VWA8: variants seen among roughly 807,000 people sequenced by gnomAD.
VWA8 encodes the protein von Willebrand factor A domain containing 8, also known as von Willebrand factor A domain-containing protein 8.
A neutral mutation model predicts 241.5 loss-of-function variants in VWA8; 221 were observed. That is an observed-to-expected ratio of 0.91 (90% confidence interval 0.82 to 1.02). The LOEUF (loss-of-function observed/expected upper bound fraction) is 1.02, where lower values mean the gene tolerates loss of function less well. Ranked by LOEUF, VWA8 falls within the 50% of genes least tolerant of loss-of-function variation. The pLI, the probability that VWA8 is intolerant of heterozygous loss-of-function variation, is 0.00. For synonymous variants in VWA8, 852 were observed against 827.1 expected (o/e 1.03, Z -0.52); for missense variants, 2,322 against 2,328.7 (o/e 1.00, Z 0.06).
intron 2 of VWA8, among the ~76,000 whole-genome samples, chr13:41,935,629 T>C (rs1265872665): frequency 6.6e-6 from 1 of 152,056 alleles, no homozygotes; most frequent in African/African-American, 2.4e-5. Context: ...TAAATGGTCT[T>C]TTTCAAGCAC....
intron 14 of VWA8, among the ~76,000 whole-genome samples, chr13:41,830,111 C>T (rs375603680): frequency 2.6e-5 from 4 of 151,518 alleles, no homozygotes; most frequent in Non-Finnish European, 4.4e-5. Flanking sequence ...GGTGTAGTGG[C>T]GGGCGCCTGT....
intron 17 of VWA8, chr13:41,807,587 A>C (rs1406635287): frequency 6.6e-6 from 1 of 152,182 alleles, no homozygotes; most frequent in Admixed American, 6.5e-5. Context: ...GTAAAACAAA[A>C]ACCATGTGAT....
At chr13:41,732,598 T>C (rs1593728607) in intron 21 of VWA8, among the ~76,000 whole-genome samples, 1 of 151,998 alleles carries the variant, frequency 6.6e-6, no homozygotes, top group African/African-American at 2.4e-5. Flanking sequence ...AATCTAGTAA[T>C]TACACATTCA....
intron 37 of VWA8, among the ~76,000 whole-genome samples, chr13:41,653,276 G>A (rs984136717): frequency 6.6e-6 from 1 of 152,102 alleles, no homozygotes; most frequent in East Asian, 1.9e-4. Flanking sequence ...CCAAGCTGAA[G>A]GCCAAATCAA....
chr13:41,814,862 G>C (rs1237349158), intron 16 of VWA8, among the ~76,000 whole-genome samples: 6 of 151,906 alleles, frequency 3.9e-5, no homozygotes, highest in Non-Finnish European at 8.8e-5. Flanking sequence ...AGGGAACAAA[G>C]AAAAAACCCC....
At chr13:41,732,867 T>C (rs2045495676) in intron 21 of VWA8, among the ~76,000 whole-genome samples, 1 of 152,240 alleles carries the variant, frequency 6.6e-6, no homozygotes, top group African/African-American at 2.4e-5. Context: ...TGGATATTCT[T>C]GCCAAAATGT....
chr13:41,742,175 T>C (rs2045574172), intron 21 of VWA8, among the ~76,000 whole-genome samples: 1 of 152,138 alleles, frequency 6.6e-6, no homozygotes. Context: ...TCATGGAAAA[T>C]ATGAAACCAT....
chr13:41,741,912 G>C (rs1436213641), intron 21 of VWA8, among the ~76,000 whole-genome samples: 1 of 152,154 alleles, frequency 6.6e-6, no homozygotes, highest in East Asian at 1.9e-4. Flanking sequence ...CAGAAGAGAA[G>C]GCAATTAATC....
chr13:41,792,531 T>C (rs577290225), intron 17 of VWA8, among the ~76,000 whole-genome samples: 194 of 152,140 alleles, frequency 1.3e-3, no homozygotes, highest in Non-Finnish European at 2.2e-3. Flanking sequence ...AGAATTAATA[T>C]TGATATCTAA....
At chr13:41,795,577 A>C (rs1869654461) in intron 17 of VWA8, among the ~76,000 whole-genome samples, 1 of 152,258 alleles carries the variant, frequency 6.6e-6, no homozygotes. Flanking sequence ...CTGGACAAAC[A>C]AAATGTGGTA....
chr13:41,895,659 T>C (rs1340911550), intron 4 of VWA8, among the ~76,000 whole-genome samples: 1 of 151,984 alleles, frequency 6.6e-6, no homozygotes, highest in Non-Finnish European at 1.5e-5. Context: ...AAAAGAGAGG[T>C]AGTTAACAGA....
chr13:41,640,918 T>C (rs528471755), intron 37 of VWA8, among the ~76,000 whole-genome samples: 4 of 152,286 alleles, frequency 2.6e-5, no homozygotes, highest in African/African-American at 9.6e-5. Context: ...ACCCAGACCA[T>C]TGTTTTGTTT....
chr13:41,751,896 G>A (rs576974258), intron 21 of VWA8, among the ~76,000 whole-genome samples: 2 of 152,170 alleles, frequency 1.3e-5, no homozygotes, highest in South Asian at 4.2e-4. Context: ...CTGACCACAG[G>A]GGAGCTTGAC....
intron 14 of VWA8, 96 bp from the exon 15 acceptor site, chr13:41,819,482 A>G (rs2274812): frequency 0.19 from 238,941 of 1,243,976 alleles, 23,494 homozygotes; most frequent in Middle Eastern, 0.22. Context: ...GGGCTATCAT[A>G]CTGTTAATAA....
intron 12 of VWA8, among the ~76,000 whole-genome samples, chr13:41,841,823 ATATATATAT>A: frequency 5.9e-5 from 1 of 17,018 alleles, no homozygotes; most frequent in Non-Finnish European, 1.1e-4. Flanking sequence ...AAAAAAAAAT[ATATATATAT>A]ATATATATAT....
chr13:41,927,159 T>G (rs1593875932), intron 2 of VWA8: 1 of 435,580 alleles, frequency 2.3e-6, no homozygotes, highest in East Asian at 5.9e-5. Flanking sequence ...GATGAGGCCA[T>G]TTCACAGATG....
In VWA8 at chr13:41,587,645, T is replaced by C; in HGVS notation, c.5138A>G (p.Lys1713Arg). 1 of 1,614,140 alleles carries C rather than the reference T, an allele frequency of 6.2e-7. No homozygotes were observed. Among genetic ancestry groups the C allele is most frequent in the Non-Finnish European group, 8.5e-7 (1 of 1,180,028 alleles). Residue 1713 changes from lysine to arginine, a missense_variant, in exon 42 of 45, where the codon AAG becomes AGG. Coordinates refer to ENST00000379310, the MANE Select transcript of VWA8 (RefSeq NM_015058.2). ...PQLGSPQQKP[K>R]RLRLVVDVSG... ...CACATCTACCACCAGGCGCAGACGC[T>C]TGGGTTTCTGTTGTGGGCTGCCAAG...
At chr13:41,686,665 TA>T (rs2045138506) in intron 34 of VWA8, among the ~76,000 whole-genome samples, 1 of 152,172 alleles carries the variant, frequency 6.6e-6, no homozygotes, top group Non-Finnish European at 1.5e-5. Context: ...CTCCAACAGT[TA>T]AAAATTTGTT....
chr13:41,924,387 G>C (rs1012747249), intron 2 of VWA8, among the ~76,000 whole-genome samples: 1 of 139,374 alleles, frequency 7.2e-6, no homozygotes, highest in African/African-American at 2.6e-5. Flanking sequence ...CAGGAGAGAA[G>C]AGAGGAGGGG....
Sources: allele counts gnomAD v4.1 joint callset (sites outside exome capture counted in the v4.1 genomes callset), GRCh38; gene constraint gnomAD v4.1.1; transcripts MANE v1.5; gene names NCBI Gene and HGNC (gene_info 2026-07-23, HGNC 2026-07-21).